Variants in FBXL2 observed in about 807,000 individuals in gnomAD.
FBXL2 encodes the protein F-box and leucine rich repeat protein 2.
A neutral mutation model predicts 69.2 loss-of-function variants in FBXL2; 38 were observed. That is an observed-to-expected ratio of 0.55 (90% CI 0.42 to 0.72). The LOEUF is 0.72. Ranked by LOEUF, FBXL2 falls within the 30% of genes least tolerant of loss-of-function variation. The pLI, the probability that FBXL2 is intolerant of heterozygous loss-of-function variation, is 0.00. For synonymous variants in FBXL2, 192 were observed against 201.3 expected (o/e 0.95, Z 0.39); for missense variants, 354 against 520.3 (o/e 0.68, Z 3.11).
At chr3:33,400,119 AAAGTT>A (rs1343483571) in intron 12 of FBXL2, 6 of 1,050,546 alleles carry the variant, frequency 5.7e-6, no homozygotes, top group African/African-American at 5.1e-5. Context: ...TTAAAAATAT[AAAGTT>A]AATAAAAGCA....
intron 14 of FBXL2, among the ~76,000 whole-genome samples, 200 bp from the exon 15 acceptor site, chr3:33,385,301 G>A (rs1268502325): frequency 6.6e-6 from 1 of 152,150 alleles, no homozygotes; most frequent in African/African-American, 2.4e-5. Flanking sequence ...CAACGTAAGT[G>A]TTTTCACTTA....
chr3:33,305,085 T>G (rs1340668312), intron 2 of FBXL2, among the ~76,000 whole-genome samples: 1 of 152,016 alleles, frequency 6.6e-6, no homozygotes, highest in Non-Finnish European at 1.5e-5. Context: ...TAACTTGTTT[T>G]TTTCACATTC....
chr3:33,407,491 G>A (rs1242035246), downstream of FBXL2, among the ~76,000 whole-genome samples: 8 of 151,738 alleles, frequency 5.3e-5, no homozygotes, highest in African/African-American at 1.7e-4. Context: ...TTGCTGGGGC[G>A]GGTGTTTTAG....
At chr3:33,326,360 A>G (rs1323293972) in intron 2 of FBXL2, among the ~76,000 whole-genome samples, 2 of 152,032 alleles carry the variant, frequency 1.3e-5, no homozygotes, top group African/African-American at 4.8e-5. Flanking sequence ...AAAATTAGCC[A>G]GGCGTGGTGG....
At position 33,396,774 on chromosome 3, in the gene FBXL2, C is replaced by T. The variant is rs1213171142; in HGVS notation, n.1215-6460C>T. The T allele has an allele frequency of 4.9e-6, 3 of 616,712 alleles. No homozygotes were observed. The East Asian group carries it at 1.1e-4, about 22-fold the overall frequency. 38.2% of individuals were successfully genotyped at this position (616,712 alleles called of 1,614,324 possible). A position where few individuals can be genotyped will look rare whatever the true frequency, so the allele number is the denominator to read the frequency against. The stretch of plus-strand genomic sequence containing the variant: ...ATTAGAAGTTTTGTTTTCTTGGCAA[C>T]AAACCCAGTCGTCTTCAAGAAATCA... On this transcript the variant is annotated intron_variant and non_coding_transcript_variant, in intron 12 of 12. Transcript: ENST00000463736.
chr3:33,393,207 C>T, intron 12 of FBXL2: 1 of 1,175,724 alleles, frequency 8.5e-7, no homozygotes, highest in Non-Finnish European at 1.2e-6. Context: ...AAATGATTCT[C>T]ATAAGTATTT....
Position 33,277,495 on chromosome 3 carries a change from G to A in FBXL2, c.-18G>A. ...CCGTGTGACTTCGGGCTGTGGGCTC[G>A]CTCGCGGCTCTTCGGCCATGGTGAG... On this transcript the variant is annotated 5_prime_UTR_variant, in exon 1 of 15. Transcript: ENST00000484457. The A allele has an allele frequency of 7.7e-7, 1 of 1,296,406 alleles. No homozygotes were observed. The allele number at this position is 1,296,406 out of a possible 1,614,324, so 80.3% of individuals were successfully genotyped here.
chr3:33,330,914 A>AACAC (rs112591010), intron 2 of FBXL2, among the ~76,000 whole-genome samples: 7 of 149,164 alleles, frequency 4.7e-5, no homozygotes, highest in African/African-American at 9.9e-5. Flanking sequence ...CACACACACA[A>AACAC]ACACACACAC....
chr3:33,286,248 C>G (rs1172279393), intron 1 of FBXL2, among the ~76,000 whole-genome samples: 2 of 152,128 alleles, frequency 1.3e-5, no homozygotes, highest in African/African-American at 2.4e-5. Flanking sequence ...GTTAGTTTTC[C>G]TTCTAACAGT....
At position 33,359,001 on chromosome 3, in the gene FBXL2, C is replaced by T. The variant is rs1379759330; in HGVS notation, c.100C>T (p.Arg34Ter). ...CTTCTTGGATATAGTAACTTTGTGC[C>T]GATGTGCACAGATTTCCAAGGTAGA... Reference protein sequence around the residue: ...FSFLDIVTLCRCAQISKAWNI... With the variant: ...FSFLDIVTLC Residue 34 changes from arginine to a stop codon, truncating the protein, a stop_gained, in exon 3 of 15, where the codon CGA (arginine) becomes TGA (stop). Coordinates refer to ENST00000484457, the MANE Select transcript of FBXL2 (RefSeq NM_012157.5). LOFTEE classifies it high-confidence loss of function. 1.9e-6 allele frequency: 3 copies of T among 1,547,696 alleles called. No homozygotes were observed. Among genetic ancestry groups the T allele is most frequent in the South Asian group, 1.3e-5 (1 of 77,942 alleles).
At chr3:33,352,721 A>T (rs916527851) in intron 2 of FBXL2, among the ~76,000 whole-genome samples, 2 of 152,044 alleles carry the variant, frequency 1.3e-5, no homozygotes, top group Admixed American at 6.6e-5. Context: ...AATGGTAAAA[A>T]TCCGTCTCTA....
At chr3:33,317,368 C>A in intron 2 of FBXL2, 1 of 425,764 alleles carries the variant, frequency 2.3e-6, no homozygotes, top group Non-Finnish European at 4.7e-6. Flanking sequence ...GCATCCAATT[C>A]ATAGTTCAGG....
At chr3:33,296,599 A>G (rs1040260377) in intron 1 of FBXL2, among the ~76,000 whole-genome samples, 1 of 152,166 alleles carries the variant, frequency 6.6e-6, no homozygotes, top group Non-Finnish European at 1.5e-5. Context: ...GCTTGTATAT[A>G]TCCAGTTGTA....
At chr3:33,279,951 T>C (rs1037048310) in intron 1 of FBXL2, among the ~76,000 whole-genome samples, 7 of 152,172 alleles carry the variant, frequency 4.6e-5, no homozygotes, top group African/African-American at 1.4e-4. Flanking sequence ...TCAACCTGTT[T>C]ATGGATTGTA....
intron 2 of FBXL2, among the ~76,000 whole-genome samples, chr3:33,339,804 T>C (rs1006956477): frequency 6.6e-6 from 1 of 152,214 alleles, no homozygotes; most frequent in Non-Finnish European, 1.5e-5. Flanking sequence ...AATAAATGTA[T>C]GTGTCTACCA....
intron 4 of FBXL2, among the ~76,000 whole-genome samples, chr3:33,363,571 T>C (rs747806460): frequency 6.6e-6 from 1 of 152,232 alleles, no homozygotes; most frequent in Non-Finnish European, 1.5e-5. Context: ...GATGGTTCTT[T>C]ACCTGGTGGA....
chr3:33,358,982 G>T lies in FBXL2; in HGVS notation c.81G>T (p.Leu27Phe). 4 of 1,541,398 alleles carry T rather than the reference G, an allele frequency of 2.6e-6. No homozygotes were observed. The highest frequency in any genetic ancestry group is 3.5e-6 in the Non-Finnish European group (4 of 1,138,476). The change falls in exon 3 of 15, where the codon TTG becomes TTT. Residue 27 changes from leucine to phenylalanine, a missense_variant. By Grantham distance (22) the Leu-to-Phe change is conservative (BLOSUM62 0). Transcript: ENST00000484457. Reference sequence around the variant, plus strand: ...CTCTCTGTAGAATATTTTCCTTCTTGGATATAGTAACTTTGTGCCGATGTG... The same window carrying T: ...CTCTCTGTAGAATATTTTCCTTCTTTGATATAGTAACTTTGTGCCGATGTG... Reference protein sequence around the residue: ...KELLLRIFSFLDIVTLCRCAQ... With the variant: ...KELLLRIFSFFDIVTLCRCAQ...
At chr3:33,292,456 A>G (rs1374239143) in intron 1 of FBXL2, among the ~76,000 whole-genome samples, 1 of 152,174 alleles carries the variant, frequency 6.6e-6, no homozygotes, top group Non-Finnish European at 1.5e-5. Flanking sequence ...TGGCAAAACC[A>G]AAGAGAGAAA....
At chr3:33,408,712 T>A in the FBXL2 span, 1 of 1,613,818 alleles carries the variant, frequency 6.2e-7, no homozygotes, top group Non-Finnish European at 8.5e-7. Context: ...TGCCAGAGAA[T>A]CACCGTAGTC....
Sources: allele counts gnomAD v4.1 joint callset (sites outside exome capture counted in the v4.1 genomes callset), GRCh38; gene constraint gnomAD v4.1.1; transcripts MANE v1.5; gene names NCBI Gene and HGNC (gene_info 2026-07-23, HGNC 2026-07-21).